The following SETDB1 variants were observed in gnomAD, a reference collection of about 807,000 sequenced individuals.
SETDB1 encodes the protein histone-lysine N-methyltransferase SETDB1.
In SETDB1, 31 loss-of-function variants were observed where a neutral mutation model predicts 137.4. The ratio of observed to expected loss-of-function variants is 0.23; its 90% CI spans 0.17 to 0.30. SETDB1 has a LOEUF of 0.30. Ranked by LOEUF, SETDB1 falls within the 10% of genes least tolerant of loss-of-function variation. The probability of loss-of-function intolerance (pLI) is 1.00; values close to 1 mark genes in which losing one functional copy is unlikely to be tolerated. For synonymous variants in SETDB1, 548 were observed against 579.9 expected, an observed-to-expected ratio of 0.95 and a Z score of 0.79; for missense variants, 1,113 against 1,631.5, an observed-to-expected ratio of 0.68 and a Z score of 5.47.
At chr1:150,942,446 CAAAAA>C in intron 5 of SETDB1, 112 bp from the exon 6 acceptor site, 2 of 671,482 alleles carry the variant, frequency 3.0e-6, no homozygotes, top group Admixed American at 3.3e-5. Flanking sequence ...GACTCCATCT[CAAAAA>C]AAAAAAAAAA....
chr1:150,944,038 C>T (rs980030827), intron 8 of SETDB1, 45 bp downstream of exon 8: 3 of 1,251,814 alleles, frequency 2.4e-6, no homozygotes, highest in African/African-American at 3.0e-5. Flanking sequence ...TCTCCTCTAC[C>T]TTGTATTTCT....
rs1670893522 is a variant in SETDB1 at position 150,963,594 on chromosome 1, G to A, written c.3525G>A (p.Gly1175=). ...TRGFALKSTH[G]IAIKSTNMAS... ...GCTTTGCTCTTAAATCAACCCATGG[G>A]ATTGCAATTAAATCAACCAACATGG... The change falls in exon 20 of 22, where the codon GGG becomes GGA. Residue 1175 remains glycine (G), a synonymous_variant. Transcript: ENST00000692827. 1 of 1,614,120 alleles carries A rather than the reference G, an allele frequency of 6.2e-7. No homozygotes were observed. Among genetic ancestry groups the A allele is most frequent in the African/African-American group, 1.3e-5 (1 of 75,052 alleles).
rs1296323460 is a variant in SETDB1, at chr1:150,961,136, C to T, written c.3077C>T (p.Ser1026Phe). Residue 1026 changes from serine to phenylalanine, a missense_variant, in exon 16 of 22, where the codon TCC (serine) becomes TTC (phenylalanine). Coordinates refer to ENST00000692827, the MANE Select transcript of SETDB1 (RefSeq NM_001366418.1). The part of the protein sequence containing the change: ...GGSRMEAEKA[S>F]TSGLGIKDEG... ...AGCCGAATGGAGGCTGAGAAGGCCT[C>T]CACCTCAGGACTAGGCATCAAGGAT... 2 of 1,614,006 alleles carry T rather than the reference C, an allele frequency of 1.2e-6. No homozygotes were observed. Among genetic ancestry groups the T allele is most frequent in the South Asian group, 1.1e-5 (1 of 91,062 alleles).
chr1:150,938,850 G>A (rs12738759), intron 3 of SETDB1, among the ~76,000 whole-genome samples: 3 of 143,534 alleles, frequency 2.1e-5, no homozygotes, highest in East Asian at 4.0e-4. Flanking sequence ...TTTTTGAGAC[G>A]GGGTCTTACT....
chr1:150,939,917 A>G, intron 3 of SETDB1, 23 bp from the exon 4 acceptor site: 2 of 1,601,904 alleles, frequency 1.2e-6, no homozygotes, highest in Non-Finnish European at 1.7e-6. Context: ...TCTGACACTC[A>G]TTAGAGTTCT....
chr1:150,941,246 A>AT (rs1670141035), intron 4 of SETDB1, 83 bp from the exon 5 acceptor site: 2 of 747,066 alleles, frequency 2.7e-6, no homozygotes, highest in East Asian at 5.4e-5. Flanking sequence ...GTTTTGTGAA[A>AT]TACAAGTTGT....
chr1:150,938,379 G>A (rs982313253), intron 3 of SETDB1, among the ~76,000 whole-genome samples: 23 of 152,156 alleles, frequency 1.5e-4, no homozygotes, highest in African/African-American at 5.5e-4. Context: ...TTTGGGGGAG[G>A]GAGGAATGAG....
intron 3 of SETDB1, among the ~76,000 whole-genome samples, chr1:150,933,750 TTTTTCTTTTTC>T (rs2102652714): frequency 7.8e-5 from 1 of 12,872 alleles, no homozygotes; most frequent in East Asian, 2.3e-3. Context: ...CTGATTTTTC[TTTTTCTTTTTC>T]TTTTTCTTTT....
At chr1:150,945,154 G>C (rs776843147) in intron 9 of SETDB1, 46 bp downstream of exon 9, 1 of 1,610,904 alleles carries the variant, frequency 6.2e-7, no homozygotes. Context: ...TGGTGGGGGG[G>C]GAACTTAAGA....
chr1:150,950,388 A>G, intron 12 of SETDB1, 70 bp from the exon 13 acceptor site: 2 of 1,323,200 alleles, frequency 1.5e-6, no homozygotes, highest in South Asian at 1.4e-5. Context: ...TGGCTTAGCT[A>G]CCTGGAGGGT....
chr1:150,930,213 T>G (rs1436466873), intron 3 of SETDB1, 95 bp downstream of exon 3: 1 of 1,097,920 alleles, frequency 9.1e-7, no homozygotes, highest in Admixed American at 2.4e-5. Flanking sequence ...GGAGAAACCA[T>G]TGTCACTAAC....
chr1:150,953,385 G>A (rs1021849955), intron 14 of SETDB1, among the ~76,000 whole-genome samples: 1 of 151,048 alleles, frequency 6.6e-6, no homozygotes, highest in Non-Finnish European at 1.5e-5. Context: ...AACTTGCCAG[G>A]GATGGTGGCG....
intron 3 of SETDB1, among the ~76,000 whole-genome samples, chr1:150,931,757 TTTC>T (rs1669766251): frequency 7.0e-6 from 1 of 142,806 alleles, no homozygotes; most frequent in Non-Finnish European, 1.5e-5. Context: ...CAGACATCCT[TTTC>T]TTCTTCCTGA....
rs775629299 is a variant in SETDB1, at chr1:150,927,695, TC to T, written c.-11-7del. The stretch of plus-strand genomic sequence containing the variant: ...GACTCCAATTTAATTTGTTTTCTGT[TC>T]CATGCAGAGGACAAAAGCATGTCTT... On this transcript the variant is annotated splice_polypyrimidine_tract_variant and splice_region_variant and intron_variant, in intron 1 of 21. Coordinates refer to ENST00000692827, the MANE Select transcript of SETDB1 (RefSeq NM_001366418.1). 1 of 1,611,586 alleles carries T rather than the reference TC, an allele frequency of 6.2e-7. No individual in the cohort carries two copies. The highest frequency in any genetic ancestry group is 8.5e-7 in the Non-Finnish European group (1 of 1,178,326).
intron 2 of SETDB1, 46 bp downstream of exon 2, chr1:150,928,020 T>C: frequency 6.3e-7 from 1 of 1,584,392 alleles, no homozygotes; most frequent in Non-Finnish European, 8.6e-7. Context: ...CATTGGGAGA[T>C]GTTTTTAGAG....
chr1:150,950,450 A>G lies in SETDB1; in HGVS notation c.1584-8A>G, dbSNP rs1009757095. On this transcript the variant is annotated splice_region_variant and splice_polypyrimidine_tract_variant and intron_variant, in intron 12 of 21. Coordinates refer to ENST00000692827, the MANE Select transcript of SETDB1 (RefSeq NM_001366418.1). ...CTTCCGATCTGATCACTTGCATCTC[A>G]TTTGCAGATCACCTTTAGGCTCCAC... is the stretch of plus-strand genomic sequence containing the variant. 3 of 1,567,292 alleles carry G rather than the reference A, an allele frequency of 1.9e-6. No homozygotes were observed. Among genetic ancestry groups the G allele is most frequent in the Admixed American group, 3.8e-5 (2 of 52,072 alleles).
intron 21 of SETDB1, 79 bp downstream of exon 21, chr1:150,964,162 C>A: frequency 1.3e-6 from 2 of 1,517,958 alleles, no homozygotes; most frequent in Non-Finnish European, 1.8e-6. Context: ...CATTCATGAT[C>A]CAACTCCACC....
At position 150,926,533 on chromosome 1, in the gene SETDB1, T is replaced by G; in HGVS notation, c.-12+16T>G. On this transcript the variant is annotated intron_variant, in intron 1 of 21. Transcript: ENST00000692827. The stretch of plus-strand genomic sequence containing the variant: ...AAGACGGGAGGTGCGGGGAATACTG[T>G]TGAGTTATTTGGTGACCAAAGGCTT... 2.8e-6 allele frequency: 1 copy of G among 354,288 alleles called. No homozygotes were observed. Among genetic ancestry groups the G allele is most frequent in the South Asian group, 2.2e-5 (1 of 45,658 alleles). The allele number at this position is 354,288 out of a possible 1,614,324, so 21.9% of individuals were successfully genotyped here.
chr1:150,951,336 C>T (rs773397082), intron 13 of SETDB1, 29 bp from the exon 14 acceptor site: 2 of 1,483,220 alleles, frequency 1.3e-6, no homozygotes, highest in Non-Finnish European at 1.9e-6. Context: ...TCCCCCCGCT[C>T]CTTTCCTTTA....
Sources: allele counts gnomAD v4.1 joint callset (sites outside exome capture counted in the v4.1 genomes callset), GRCh38; gene constraint gnomAD v4.1.1; transcripts MANE v1.5; gene names NCBI Gene and HGNC (gene_info 2026-07-23, HGNC 2026-07-21).